Variants in VPS37B observed in about 807,000 individuals in gnomAD.
The protein encoded by VPS37B is VPS37B subunit of ESCRT-I, also known as vacuolar protein sorting-associated protein 37B.
A neutral mutation model predicts 21.2 loss-of-function variants in VPS37B; 11 were observed. The observed-to-expected ratio is 0.52, with a 90% CI of 0.33 to 0.86. VPS37B has a LOEUF of 0.86. VPS37B is among the 40% of genes least tolerant of loss of function. The pLI, the probability that VPS37B is intolerant of heterozygous loss-of-function variation, is 0.03. For synonymous variants in VPS37B, 175 were observed against 159.6 expected (o/e 1.10, Z -0.73); for missense variants, 389 against 374.8 (o/e 1.04, Z -0.31).
Position 122,878,618 on chromosome 12 carries a change from C to G in VPS37B, c.112-7557G>C, listed in dbSNP as rs568652159. 16 of 149,002 alleles carry G rather than the reference C, an allele frequency of 1.1e-4. 1 individual carries two copies. The Admixed American group carries it at 1.1e-3, about 10-fold the overall frequency. 9.2% of individuals were successfully genotyped at this position (149,002 alleles called of 1,614,324 possible). On this transcript the variant is annotated intron_variant, in intron 1 of 3. Coordinates refer to ENST00000267202, the MANE Select transcript of VPS37B (RefSeq NM_024667.3). ...CTTTAATCATCTAGGTGGCCCTAATCCAATGACAAGAGTCCTTTTTTTTTT... is the reference window on the plus strand; with the variant it reads ...CTTTAATCATCTAGGTGGCCCTAATGCAATGACAAGAGTCCTTTTTTTTTT...
At chr12:122,870,805 T>A in intron 2 of VPS37B, 85 bp downstream of exon 2, 1 of 1,444,478 alleles carries the variant, frequency 6.9e-7, no homozygotes, top group Non-Finnish European at 9.4e-7. Flanking sequence ...TTTTCCGTAA[T>A]ATTTCTTTCC....
chr12:122,867,204 G>C lies in VPS37B; in HGVS notation c.770C>G (p.Ser257Trp), dbSNP rs200856668. The C allele has an allele frequency of 1.3e-6, 2 of 1,574,578 alleles. No homozygotes were observed. The highest frequency in any genetic ancestry group is 1.7e-6 in the Non-Finnish European group (2 of 1,163,352). ...VGLPTQQGFS[S>W]QFVSPYPPPL... ...TGGCGGATATGGGGACACGAACTGC[G>C]AAGAGAATCCTTGCTGAGTGGGGAG... Residue 257 changes from serine to tryptophan, a missense_variant, in exon 4 of 4, where the codon TCG (serine) becomes TGG (tryptophan). Coordinates refer to ENST00000267202, the MANE Select transcript of VPS37B (RefSeq NM_024667.3). The surrounding 1 kb of genome is among the most constrained non-coding windows in gnomAD (Gnocchi z 5.5).
At position 122,867,836 on chromosome 12, in the gene VPS37B, C is replaced by G. The variant is rs114307355; in HGVS notation, c.367-229G>C. Reference sequence around the variant, plus strand: ...GACAGCCCTGCTGCGCACCCCACCACCAGCGTGACAGGCAGAGGAGCTGGC... The same window carrying G: ...GACAGCCCTGCTGCGCACCCCACCAGCAGCGTGACAGGCAGAGGAGCTGGC... On this transcript the variant is annotated intron_variant, in intron 3 of 3. Transcript: ENST00000267202. This position sits in a 1 kb window ranked among gnomAD's most constrained non-coding sequence, Gnocchi z 5.5. 7.9e-5 allele frequency among the ~76,000 whole-genome samples: 12 copies of G among 152,316 alleles called. No homozygotes were observed. The highest frequency in any genetic ancestry group is 2.6e-4 in the African/African-American group (11 of 41,548).
intron 1 of VPS37B, chr12:122,874,352 G>A (rs2034104023): frequency 6.6e-6 from 1 of 152,176 alleles, no homozygotes; most frequent in African/African-American, 2.4e-5. Flanking sequence ...TCTTCAGGAG[G>A]GGCCAGGCAT....
chr12:122,891,834 T>C (rs1279270916), intron 1 of VPS37B, among the ~76,000 whole-genome samples: 1 of 152,254 alleles, frequency 6.6e-6, no homozygotes, highest in African/African-American at 2.4e-5. Flanking sequence ...GGGAAACAGC[T>C]TCTTCCAGAC....
chr12:122,886,408 T>C (rs1199112498), intron 1 of VPS37B: 4 of 152,266 alleles, frequency 2.6e-5, no homozygotes, highest in Admixed American at 2.6e-4. Flanking sequence ...TTGCTTGAGC[T>C]CAGGAGTTTG....
intron 1 of VPS37B, chr12:122,871,738 A>T (rs902057255): frequency 5.1e-6 from 5 of 976,466 alleles, no homozygotes; most frequent in Admixed American, 1.2e-4. Context: ...ATGACAGGCT[A>T]CCCTGGTAGG....
In VPS37B at chr12:122,867,895, G is replaced by A. The variant is rs1462674311; in HGVS notation, c.367-288C>T. Among the ~76,000 whole-genome samples, 1 of 152,164 alleles carries A rather than the reference G, an allele frequency of 6.6e-6. No individual in the cohort carries two copies. The highest frequency in any genetic ancestry group is 2.4e-5 in the African/African-American group (1 of 41,420). ...GAGGGCTCCGACTCCTGGGTCCCAG[G>A]CCTCTCTCGAGCCCGCTGGAGTCCA... On this transcript the variant is annotated intron_variant, in intron 3 of 3. Coordinates refer to ENST00000267202, the MANE Select transcript of VPS37B (RefSeq NM_024667.3). This position sits in a 1 kb window ranked among gnomAD's most constrained non-coding sequence, Gnocchi z 5.5.
At chr12:122,894,632 G>C (rs1403721018) in intron 1 of VPS37B, among the ~76,000 whole-genome samples, 1 of 152,170 alleles carries the variant, frequency 6.6e-6, no homozygotes, top group East Asian at 1.9e-4. Context: ...GGAAGAGCTG[G>C]GATTAGCCTG....
chr12:122,891,377 A>G (rs914738855), intron 1 of VPS37B, among the ~76,000 whole-genome samples: 4 of 152,244 alleles, frequency 2.6e-5, no homozygotes, highest in African/African-American at 9.6e-5. Flanking sequence ...AGTACTCTAA[A>G]AGATAGGCAT....
intron 1 of VPS37B, among the ~76,000 whole-genome samples, chr12:122,892,935 C>T (rs1173955965): frequency 6.6e-6 from 1 of 152,096 alleles, no homozygotes; most frequent in African/African-American, 2.4e-5. Context: ...ATGGCGCACA[C>T]CTGTGAGCCC....
At chr12:122,884,578 G>T (rs1203328134) in intron 1 of VPS37B, 2 of 152,050 alleles carry the variant, frequency 1.3e-5, no homozygotes, top group Non-Finnish European at 2.9e-5. Context: ...TGAGATTCCA[G>T]TGTAGGAGCA....
intron 1 of VPS37B, 106 bp downstream of exon 1, chr12:122,895,846 C>T: frequency 9.7e-7 from 1 of 1,029,124 alleles, no homozygotes; most frequent in Non-Finnish European, 1.5e-6. Context: ...CCAGTCCCCT[C>T]AACACGACCG....
intron 2 of VPS37B, among the ~76,000 whole-genome samples, chr12:122,869,018 G>A (rs1438735307): frequency 1.3e-5 from 2 of 152,146 alleles, no homozygotes; most frequent in Admixed American, 6.5e-5. Context: ...AGGTCCGCCT[G>A]GTCTTGACTC....
intron 1 of VPS37B, 90 bp downstream of exon 1, chr12:122,895,862 G>A (rs557555430): frequency 1.6e-5 from 19 of 1,202,832 alleles, no homozygotes; most frequent in Middle Eastern, 2.0e-4. Context: ...GACCGGAGGC[G>A]CCGCGGTCGC....
chr12:122,870,802 T>G, intron 2 of VPS37B, 88 bp downstream of exon 2: 1 of 1,432,372 alleles, frequency 7.0e-7, no homozygotes, highest in Non-Finnish European at 9.5e-7. Flanking sequence ...AATTTTTCCG[T>G]AATATTTCTT....
chr12:122,879,894 G>C (rs1392188254), intron 1 of VPS37B: 1 of 152,144 alleles, frequency 6.6e-6, no homozygotes, highest in Non-Finnish European at 1.5e-5. Flanking sequence ...CGGATCACTT[G>C]AGGTCAGGCA....
intron 1 of VPS37B, chr12:122,888,646 A>C (rs530998781): frequency 4.4e-6 from 2 of 455,722 alleles, no homozygotes; most frequent in African/African-American, 4.0e-5. Flanking sequence ...GTGAGGGTCA[A>C]ACAGTGCAGT....
intron 2 of VPS37B, 96 bp downstream of exon 2, chr12:122,870,794 T>C: frequency 1.5e-6 from 2 of 1,338,362 alleles, no homozygotes; most frequent in Admixed American, 4.6e-5. Context: ...TAACCTGAAA[T>C]TTTTCCGTAA....
Sources: gnomAD v4.1 joint callset for allele counts (sites outside exome capture counted in the v4.1 genomes callset) on GRCh38, gnomAD v4.1.1 for gene constraint, Gnocchi (gnomAD v3.1) non-coding constraint, MANE v1.5 for transcripts, NCBI Gene and HGNC (gene_info 2026-07-23, HGNC 2026-07-21) for gene names.